The following SCN8A variants were observed in gnomAD, a reference collection of about 807,000 sequenced individuals.
The protein encoded by SCN8A is sodium channel protein type 8 subunit alpha.
In SCN8A, 30 loss-of-function variants were observed where a neutral mutation model predicts 184.1. That is an observed-to-expected ratio of 0.16 (90% CI 0.12 to 0.22). The LOEUF (loss-of-function observed/expected upper bound fraction) is 0.22. SCN8A is among the 10% of genes least tolerant of loss of function. SCN8A has a pLI of 1.00. For missense variants in SCN8A, 1,057 were observed against 2,498.9 expected, an observed-to-expected ratio of 0.42 and a Z score of 12.30; for synonymous variants, 852 against 907.0, an observed-to-expected ratio of 0.94 and a Z score of 1.09.
rs552467694 is a variant in SCN8A, at chr12:51,622,982, T to C, written c.-55+31623T>C. Among the ~76,000 whole-genome samples the C allele has an allele frequency of 2.6e-5, 4 of 152,348 alleles. No individual in the cohort carries two copies. In the East Asian group the frequency reaches 7.7e-4, roughly 29 times the overall value. On this transcript the variant is annotated intron_variant, in intron 1 of 26. Coordinates refer to ENST00000627620, the MANE Select transcript of SCN8A (RefSeq NM_001330260.2). The stretch of plus-strand genomic sequence containing the variant: ...ATGCTATTTATTTTCTTCCTGAAAT[T>C]GTTCTAGCTTTGGCTTCTGGGGCCT...
chr12:51,789,542 G>A, intron 24 of SCN8A, 124 bp downstream of exon 24: 1 of 1,118,754 alleles, frequency 8.9e-7, no homozygotes, highest in South Asian at 1.5e-5. Context: ...TTAGCTCACT[G>A]TGACCCTGGC....
intron 12 of SCN8A, among the ~76,000 whole-genome samples, chr12:51,731,312 A>T (rs1428174011): frequency 6.6e-6 from 1 of 151,696 alleles, no homozygotes; most frequent in East Asian, 1.9e-4. Flanking sequence ...ATCTCGGCTC[A>T]CTGCACTGTT....
At chr12:51,693,961 T>G (rs552094420) in intron 6 of SCN8A, among the ~76,000 whole-genome samples, 27 of 152,216 alleles carry the variant, frequency 1.8e-4, no homozygotes, top group Non-Finnish European at 2.9e-4. Context: ...AGACGGAGTT[T>G]CGCTGTTGTC....
chr12:51,805,817 A>G (rs190330185), intron 26 of SCN8A, among the ~76,000 whole-genome samples: 4 of 136,846 alleles, frequency 2.9e-5, no homozygotes, highest in African/African-American at 1.1e-4. Flanking sequence ...TTACTTTTCT[A>G]TATGTTTAAA....
intron 12 of SCN8A, among the ~76,000 whole-genome samples, chr12:51,723,558 C>A (rs940623507): frequency 6.6e-6 from 1 of 152,222 alleles, no homozygotes; most frequent in African/African-American, 2.4e-5. Context: ...ATTACTCTTA[C>A]ATGCATTATT....
chr12:51,616,998 A>T (rs1462916591), intron 1 of SCN8A, among the ~76,000 whole-genome samples: 1 of 151,086 alleles, frequency 6.6e-6, no homozygotes, highest in East Asian at 1.9e-4. Flanking sequence ...TTGTTTCCCT[A>T]TGTGTAATGT....
At chr12:51,697,240 G>A (rs908684598) in intron 6 of SCN8A, among the ~76,000 whole-genome samples, 3 of 152,010 alleles carry the variant, frequency 2.0e-5, no homozygotes, top group African/African-American at 7.3e-5. Flanking sequence ...AGTCTCCATG[G>A]AAGGCTCACT....
intron 1 of SCN8A, among the ~76,000 whole-genome samples, chr12:51,604,549 A>C (rs548155042): frequency 6.6e-6 from 1 of 151,864 alleles, no homozygotes; most frequent in Non-Finnish European, 1.5e-5. Context: ...TTTTCTTTAG[A>C]GATGGAGTTT....
intron 19 of SCN8A, 83 bp from the exon 20 acceptor site, chr12:51,774,106 G>T (rs1365148009): frequency 6.2e-6 from 8 of 1,296,042 alleles, no homozygotes; most frequent in Non-Finnish European, 8.6e-6. Flanking sequence ...GCCCATGTGG[G>T]ACGGCTCCCT....
intron 15 of SCN8A, among the ~76,000 whole-genome samples, chr12:51,764,636 A>AAAATAAAT (rs997563267): frequency 6.6e-6 from 1 of 152,124 alleles, no homozygotes; most frequent in African/African-American, 2.4e-5. Flanking sequence ...CTCTGTCTCA[A>AAAATAAAT]AAATAAATAA....
At chr12:51,773,573 T>TG (rs1226600384) in intron 19 of SCN8A, among the ~76,000 whole-genome samples, 1 of 152,232 alleles carries the variant, frequency 6.6e-6, no homozygotes. Flanking sequence ...TGTGAAATGA[T>TG]GCAACCACTT....
intron 1 of SCN8A, among the ~76,000 whole-genome samples, chr12:51,593,679 TTGAG>T (rs1363660206): frequency 2.0e-5 from 3 of 152,130 alleles, no homozygotes; most frequent in Non-Finnish European, 4.4e-5. Context: ...CTGGACATGA[TTGAG>T]TTTTTTTTTG....
At chr12:51,770,252 T>C in intron 18 of SCN8A, 1 of 586,726 alleles carries the variant, frequency 1.7e-6, no homozygotes, top group Admixed American at 3.1e-5. Flanking sequence ...TGTTCTGTCA[T>C]GGCTGTGCCT....
At chr12:51,645,013 G>A (rs924371717) in intron 1 of SCN8A, among the ~76,000 whole-genome samples, 13 of 151,460 alleles carry the variant, frequency 8.6e-5, no homozygotes, top group African/African-American at 2.9e-4. Context: ...CAGCCACCTC[G>A]TCTGGGAGGG....
intron 2 of SCN8A, among the ~76,000 whole-genome samples, chr12:51,671,422 G>A (rs1049693534): frequency 6.6e-6 from 1 of 152,164 alleles, no homozygotes; most frequent in Non-Finnish European, 1.5e-5. Context: ...GACATAGACA[G>A]CTTTTACCTG....
chr12:51,771,246 C>T (rs1942921164), intron 19 of SCN8A, among the ~76,000 whole-genome samples: 1 of 152,144 alleles, frequency 6.6e-6, no homozygotes, highest in South Asian at 2.1e-4. Context: ...TGGGTTATAA[C>T]TGAGGAGACC....
intron 21 of SCN8A, among the ~76,000 whole-genome samples, chr12:51,784,651 C>G (rs1161615038): frequency 1.3e-5 from 2 of 152,044 alleles, no homozygotes; most frequent in African/African-American, 4.8e-5. Flanking sequence ...TATATCATAT[C>G]AGAGAAAAAG....
intron 1 of SCN8A, among the ~76,000 whole-genome samples, chr12:51,638,956 G>A (rs760359862): frequency 1.5e-4 from 23 of 152,092 alleles, no homozygotes; most frequent in Non-Finnish European, 2.9e-4. Context: ...ATGAGAGGTT[G>A]CTTTTTATGG....
intron 12 of SCN8A, among the ~76,000 whole-genome samples, chr12:51,738,462 C>T (rs558289501): frequency 1.3e-5 from 2 of 152,260 alleles, no homozygotes; most frequent in East Asian, 1.9e-4. Flanking sequence ...TTGAAATGTC[C>T]GTTCCTGTAT....
Sources: gnomAD v4.1 joint callset for allele counts (sites outside exome capture counted in the v4.1 genomes callset) on GRCh38, gnomAD v4.1.1 for gene constraint, MANE v1.5 for transcripts, NCBI Gene and HGNC (gene_info 2026-07-23, HGNC 2026-07-21) for gene names.